Variants in YAE1 observed in about 807,000 individuals in gnomAD.
YAE1 encodes YAE1 maturation factor of ABCE1.
In YAE1, 22 loss-of-function variants were observed where a neutral mutation model predicts 23.0. The ratio of observed to expected loss-of-function variants is 0.96; its 90% CI spans 0.68 to 1.37. YAE1 has a LOEUF of 1.37. Among genes scored for constraint, YAE1 ranks in the 40% most tolerant of loss-of-function variants. YAE1 has a pLI of 0.00. For synonymous variants in YAE1, 101 were observed against 97.0 expected, an observed-to-expected ratio of 1.04 and a Z score of -0.24; for missense variants, 260 against 262.1, an observed-to-expected ratio of 0.99 and a Z score of 0.06.
chr7:39,590,503 A>T (rs1790886853), intron 2 of YAE1, among the ~76,000 whole-genome samples: 1 of 152,240 alleles, frequency 6.6e-6, no homozygotes, highest in Non-Finnish European at 1.5e-5. Context: ...CAAAATGCTT[A>T]GGACCAGAAA....
chr7:39,566,669 C>T (rs974431538), intron 1 of YAE1, 122 bp downstream of exon 1: 2 of 1,307,738 alleles, frequency 1.5e-6, no homozygotes, highest in Non-Finnish European at 2.0e-6. Context: ...CCTAGGGACC[C>T]GGTCCGACCC....
chr7:39,595,637 G>C (rs1790962719), intron 2 of YAE1, among the ~76,000 whole-genome samples: 1 of 152,070 alleles, frequency 6.6e-6, no homozygotes, highest in Non-Finnish European at 1.5e-5. Flanking sequence ...AATGAATAAA[G>C]AGCTCTGTAA....
chr7:39,569,777 C>T lies in YAE1; in HGVS notation c.130-729C>T, dbSNP rs1241020168. ...TCATCTGAACAGAACCTGAAACAAACCATGATGAAACGGGTTCAATACTCT... is the reference window on the plus strand; with the variant it reads ...TCATCTGAACAGAACCTGAAACAAATCATGATGAAACGGGTTCAATACTCT... On this transcript the variant is annotated intron_variant, in intron 1 of 2. Transcript: ENST00000223273. 4 of 760,276 alleles carry T rather than the reference C, an allele frequency of 5.3e-6. No homozygotes were observed. The African/African-American group carries it at 6.9e-5, about 13-fold the overall frequency. 47.1% of individuals were successfully genotyped at this position (760,276 alleles called of 1,614,324 possible). A position where few individuals can be genotyped will look rare whatever the true frequency, so the allele number is the denominator to read the frequency against.
intron 2 of YAE1, among the ~76,000 whole-genome samples, chr7:39,596,861 C>T (rs188475623): frequency 1.3e-5 from 2 of 152,240 alleles, no homozygotes; most frequent in East Asian, 1.9e-4. Flanking sequence ...CAAGACACAA[C>T]TAATATAGGA....
At chr7:39,583,504 G>C (rs1318925793) in intron 2 of YAE1, among the ~76,000 whole-genome samples, 2 of 152,176 alleles carry the variant, frequency 1.3e-5, no homozygotes, top group African/African-American at 4.8e-5. Flanking sequence ...AATTCTATGA[G>C]AAGTGACTGA....
chr7:39,573,846 C>T (rs1236011962), downstream of YAE1, among the ~76,000 whole-genome samples: 2 of 152,066 alleles, frequency 1.3e-5, no homozygotes, highest in African/African-American at 4.8e-5. Context: ...TTATTAAAAC[C>T]CCCGCTGAAG....
chr7:39,579,181 C>T (rs1790705272), intron 2 of YAE1, among the ~76,000 whole-genome samples: 1 of 152,206 alleles, frequency 6.6e-6, no homozygotes, highest in South Asian at 2.1e-4. Context: ...TAATAGCCCT[C>T]TCCTGCAGAG....
intron 2 of YAE1, among the ~76,000 whole-genome samples, chr7:39,592,991 G>T (rs956376029): frequency 2.0e-5 from 3 of 151,834 alleles, no homozygotes; most frequent in Non-Finnish European, 4.4e-5. Context: ...AAGTCACTGG[G>T]ACTCTGCTCA....
chr7:39,579,299 C>A (rs1460069529), intron 2 of YAE1, among the ~76,000 whole-genome samples: 2 of 152,176 alleles, frequency 1.3e-5, no homozygotes, highest in East Asian at 3.8e-4. Context: ...TAAACCAAGG[C>A]AAGCCTGGTT....
chr7:39,601,523 G>C (rs1279310179), intron 2 of YAE1, among the ~76,000 whole-genome samples: 3 of 152,144 alleles, frequency 2.0e-5, no homozygotes, highest in Non-Finnish European at 4.4e-5. Flanking sequence ...ACTTTGGGAG[G>C]CCGAGATGGG....
At chr7:39,583,822 C>T (rs1412505358) in intron 2 of YAE1, among the ~76,000 whole-genome samples, 1 of 152,188 alleles carries the variant, frequency 6.6e-6, no homozygotes, top group African/African-American at 2.4e-5. Context: ...GTTTACAGGT[C>T]AGTTCACTTT....
At chr7:39,600,537 A>G (rs1005077543) in intron 2 of YAE1, among the ~76,000 whole-genome samples, 5 of 152,084 alleles carry the variant, frequency 3.3e-5, no homozygotes, top group African/African-American at 1.2e-4. Flanking sequence ...AGCTGGGATT[A>G]CAGGCATGTG....
downstream of YAE1, among the ~76,000 whole-genome samples, chr7:39,575,781 C>T (rs1187203757): frequency 6.6e-6 from 1 of 152,176 alleles, no homozygotes; most frequent in Non-Finnish European, 1.5e-5. Context: ...CATGCACTCT[C>T]CACCTTTAAA....
chr7:39,587,851 G>T (rs1165686815), intron 2 of YAE1, among the ~76,000 whole-genome samples: 1 of 152,104 alleles, frequency 6.6e-6, no homozygotes. Context: ...ATGAAAAGGG[G>T]TGCTGTGTCT....
At chr7:39,572,238 C>G in intron 2 of YAE1, 39 bp from the exon 3 acceptor site, 1 of 1,536,198 alleles carries the variant, frequency 6.5e-7, no homozygotes, top group Non-Finnish European at 8.7e-7. Flanking sequence ...TTTTTAAGTC[C>G]TATTTTGCTA....
chr7:39,586,441 G>A (rs1333508965), intron 2 of YAE1, among the ~76,000 whole-genome samples: 1 of 151,026 alleles, frequency 6.6e-6, no homozygotes, highest in Admixed American at 6.6e-5. Flanking sequence ...CAAAGTGCTG[G>A]GATTACAGGG....
intron 2 of YAE1, chr7:39,570,915 G>A: frequency 3.4e-6 from 1 of 290,986 alleles, no homozygotes; most frequent in Non-Finnish European, 6.3e-6. Context: ...TTCAGATTTT[G>A]AATAAAACTT....
intron 1 of YAE1, chr7:39,570,106 TA>T: frequency 2.0e-6 from 2 of 1,010,646 alleles, no homozygotes; most frequent in Non-Finnish European, 3.0e-6. Flanking sequence ...TGATGATGCG[TA>T]CGTTGCTCTG....
At chr7:39,579,588 G>A (rs1322669957) in intron 2 of YAE1, among the ~76,000 whole-genome samples, 1 of 150,958 alleles carries the variant, frequency 6.6e-6, no homozygotes, top group African/African-American at 2.4e-5. Flanking sequence ...AGAATCGCTT[G>A]AACCCAGGAG....
Sources: gnomAD v4.1 joint callset for allele counts (sites outside exome capture counted in the v4.1 genomes callset) on GRCh38, gnomAD v4.1.1 for gene constraint, MANE v1.5 for transcripts, NCBI Gene and HGNC (gene_info 2026-07-23, HGNC 2026-07-21) for gene names.